The following ZNF385D variants were observed in gnomAD, a reference collection of about 807,000 sequenced individuals.
ZNF385D encodes zinc finger protein 385D.
A neutral mutation model predicts 35.8 loss-of-function variants in ZNF385D; 15 were observed. That is an observed-to-expected ratio of 0.42 (90% CI 0.28 to 0.64). The LOEUF is 0.64. Ranked by LOEUF, ZNF385D falls within the 30% of genes least tolerant of loss-of-function variation. ZNF385D has a pLI of 0.23. For missense variants in ZNF385D, 474 were observed against 494.6 expected (o/e 0.96, Z 0.39); for synonymous variants, 212 against 186.8 (o/e 1.13, Z -1.10).
chr3:21,929,724 A>G (rs1186535186), intron 3 of ZNF385D, among the ~76,000 whole-genome samples: 1 of 152,070 alleles, frequency 6.6e-6, no homozygotes, highest in African/African-American at 2.4e-5. Context: ...AAGGAGTAGA[A>G]CACTGAGGAA....
At chr3:21,662,052 G>C (rs990079579) in intron 2 of ZNF385D, among the ~76,000 whole-genome samples, 1 of 152,108 alleles carries the variant, frequency 6.6e-6, no homozygotes, top group South Asian at 2.1e-4. Context: ...TATAGTCTCT[G>C]ATCACCAGGC....
intron 3 of ZNF385D, among the ~76,000 whole-genome samples, chr3:21,789,673 T>C (rs2071844632): frequency 6.6e-6 from 1 of 152,156 alleles, no homozygotes. Flanking sequence ...AGAGCCTCAT[T>C]TGCCTGTATT....
intron 2 of ZNF385D, among the ~76,000 whole-genome samples, chr3:22,237,740 T>A (rs946332726): frequency 3.3e-5 from 5 of 152,070 alleles, no homozygotes; most frequent in Admixed American, 1.3e-4. Context: ...GCCTCACAGG[T>A]TCAAGCGATT....
intron 2 of ZNF385D, among the ~76,000 whole-genome samples, chr3:21,609,655 AG>A (rs1370765263): frequency 6.6e-6 from 1 of 152,188 alleles, no homozygotes; most frequent in Non-Finnish European, 1.5e-5. Flanking sequence ...CTTGACCCAC[AG>A]TGGTAATAGT....
At chr3:22,073,859 T>C (rs1700342376) in intron 3 of ZNF385D, among the ~76,000 whole-genome samples, 1 of 152,026 alleles carries the variant, frequency 6.6e-6, no homozygotes, top group African/African-American at 2.4e-5. Flanking sequence ...TTTTCTCTTT[T>C]ATAAAACAGC....
At chr3:21,726,977 T>C (rs1388695721) in intron 1 of ZNF385D, among the ~76,000 whole-genome samples, 2 of 152,054 alleles carry the variant, frequency 1.3e-5, no homozygotes, top group African/African-American at 2.4e-5. Flanking sequence ...AAGAGATATA[T>C]AGACCAATGG....
In ZNF385D at chr3:21,926,752, T is replaced by C. The variant is rs143194573; in HGVS notation, c.325+242065A>G. Among the ~76,000 whole-genome samples the C allele has an allele frequency of 2.7e-3, 406 of 152,264 alleles. 2 individuals carry two copies. The highest frequency in any genetic ancestry group is 0.012 in the South Asian group (56 of 4,828). ...GGCATAGGCATGGGCAAAGACTTCA[T>C]GACTAAAACACCAAAAGCAATGGCA... On this transcript the variant is annotated intron_variant, in intron 3 of 5. Coordinates refer to the ZNF385D transcript ENST00000494108.
intron 4 of ZNF385D, among the ~76,000 whole-genome samples, chr3:21,487,893 G>A (rs1345467239): frequency 6.6e-6 from 1 of 152,126 alleles, no homozygotes; most frequent in Non-Finnish European, 1.5e-5. Flanking sequence ...ACATCAGAAT[G>A]CCTAACTTGT....
chr3:21,537,438 C>T (rs889872153), intron 3 of ZNF385D, among the ~76,000 whole-genome samples: 1 of 151,956 alleles, frequency 6.6e-6, no homozygotes, highest in Non-Finnish European at 1.5e-5. Flanking sequence ...AGCCACCACG[C>T]CCGGCCCAAC....
At chr3:22,295,305 C>T (rs1447262967) in intron 2 of ZNF385D, among the ~76,000 whole-genome samples, 2 of 152,086 alleles carry the variant, frequency 1.3e-5, no homozygotes, top group Non-Finnish European at 2.9e-5. Flanking sequence ...GAAAAAGTTT[C>T]AATTTTTATG....
At chr3:21,880,190 T>C (rs1381869478) in intron 3 of ZNF385D, among the ~76,000 whole-genome samples, 1 of 151,920 alleles carries the variant, frequency 6.6e-6, no homozygotes, top group Non-Finnish European at 1.5e-5. Flanking sequence ...GTGATCTAGA[T>C]CAGTAGGATC....
chr3:21,457,545 AG>A (rs1218499597), intron 4 of ZNF385D, among the ~76,000 whole-genome samples: 1 of 151,978 alleles, frequency 6.6e-6, no homozygotes, highest in Non-Finnish European at 1.5e-5. Context: ...TAGTAGAGAC[AG>A]GGTTTCACCA....
chr3:22,321,164 GTTT>G, intron 2 of ZNF385D, among the ~76,000 whole-genome samples: 7 of 76,152 alleles, frequency 9.2e-5, no homozygotes, highest in South Asian at 5.7e-4. Flanking sequence ...TTATGACCTT[GTTT>G]TTTTTTTTTT....
chr3:21,593,778 G>T (rs1222275982), intron 2 of ZNF385D, among the ~76,000 whole-genome samples: 1 of 150,612 alleles, frequency 6.6e-6, no homozygotes, highest in Admixed American at 6.6e-5. Context: ...AATAAAAAGA[G>T]GTTAAAAAAA....
chr3:21,870,139 A>G (rs531667580), intron 3 of ZNF385D, among the ~76,000 whole-genome samples: 1 of 152,296 alleles, frequency 6.6e-6, no homozygotes, highest in East Asian at 1.9e-4. Flanking sequence ...AAAAAATTGT[A>G]TATAAATGCT....
intron 4 of ZNF385D, among the ~76,000 whole-genome samples, chr3:21,462,719 C>A (rs1026660184): frequency 6.6e-6 from 1 of 152,190 alleles, no homozygotes; most frequent in Non-Finnish European, 1.5e-5. Context: ...CGGTGGCTTA[C>A]GCCTGTAATC....
At chr3:21,598,132 G>C (rs896984693) in intron 2 of ZNF385D, among the ~76,000 whole-genome samples, 1 of 152,116 alleles carries the variant, frequency 6.6e-6, no homozygotes, top group Non-Finnish European at 1.5e-5. Context: ...ATAATCATTA[G>C]AGTCTTAGAG....
At chr3:22,223,877 A>G (rs1698402847) in intron 2 of ZNF385D, among the ~76,000 whole-genome samples, 1 of 151,980 alleles carries the variant, frequency 6.6e-6, no homozygotes, top group African/African-American at 2.4e-5. Flanking sequence ...TGGTTTATTT[A>G]TTTTTTTACT....
intron 3 of ZNF385D, among the ~76,000 whole-genome samples, chr3:22,046,470 G>T (rs1251254242): frequency 3.3e-5 from 5 of 151,986 alleles, no homozygotes; most frequent in African/African-American, 4.8e-5. Flanking sequence ...TATTTAATCC[G>T]ACCAAAAAAT....
Sources: gnomAD v4.1 joint callset for allele counts (sites outside exome capture counted in the v4.1 genomes callset) on GRCh38, gnomAD v4.1.1 for gene constraint, MANE v1.5 for transcripts, NCBI Gene and HGNC (gene_info 2026-07-23, HGNC 2026-07-21) for gene names.